TBC1D9: variants seen among roughly 807,000 people sequenced by gnomAD.
TBC1D9 encodes TBC1 domain family member 9, also known as TBC1 domain family member 9A.
TBC1D9 carries 63 observed loss-of-function variants against 132.0 expected under a neutral mutation model. The ratio of observed to expected loss-of-function variants is 0.48; its 90% CI spans 0.39 to 0.59. The LOEUF is 0.59. Ranked by LOEUF, TBC1D9 falls within the 20% of genes least tolerant of loss-of-function variation. TBC1D9 has a pLI of 0.00. For missense variants in TBC1D9, 1,261 were observed against 1,592.7 expected (o/e 0.79, Z 3.54); for synonymous variants, 610 against 609.9 (o/e 1.00, Z 0.00).
intron 1 of TBC1D9, among the ~76,000 whole-genome samples, chr4:140,738,715 T>C (rs1270103152): frequency 6.6e-6 from 1 of 152,196 alleles, no homozygotes; most frequent in East Asian, 1.9e-4. Flanking sequence ...TACAAACAAG[T>C]CTTTCCTTGT....
rs755758044 is a variant in TBC1D9, at chr4:140,622,782, C to A, written c.3214G>T (p.Ala1072Ser). ...EIGEVGKLFV[A>S]QPAKEGGSGG... ...CTCCCGCCCTCCTTTGCAGGCTGGGCCACGAACAACTTGCCGACCTCCCCA... is the reference window on the plus strand; with the variant it reads ...CTCCCGCCCTCCTTTGCAGGCTGGGACACGAACAACTTGCCGACCTCCCCA... The change falls in exon 21 of 21, where the codon GCC becomes TCC. Residue 1072 changes from alanine (A) to serine (S), a missense_variant. Physicochemically the swap from Ala to Ser is moderately conservative, Grantham distance 99. Coordinates refer to ENST00000442267, the MANE Select transcript of TBC1D9 (RefSeq NM_015130.3). The A allele has an allele frequency of 5.6e-6, 9 of 1,603,140 alleles. No homozygotes were observed. Among genetic ancestry groups the A allele is most frequent in the Non-Finnish European group, 6.8e-6 (8 of 1,179,198 alleles).
intron 2 of TBC1D9, among the ~76,000 whole-genome samples, chr4:140,699,207 ATAAT>A (rs1383122407): frequency 6.6e-6 from 1 of 152,212 alleles, no homozygotes; most frequent in African/African-American, 2.4e-5. Context: ...AGTGACATAA[ATAAT>A]TAAATAAATA....
In TBC1D9 at chr4:140,657,571, C is replaced by G. The variant is rs199972056; in HGVS notation, c.2163G>C (p.Leu721=). ...LAVLDANVDK[L]LNCKDDGEAM... is the part of the protein sequence containing the mutation. ...CCTCCCCATCATCCTTGCAGTTCAACAGTTTGTCCACATTTGCATCCAGCA... is the reference window on the plus strand; with the variant it reads ...CCTCCCCATCATCCTTGCAGTTCAAGAGTTTGTCCACATTTGCATCCAGCA... The change falls in exon 12 of 21, where the codon CTG becomes CTC. Residue 721 remains leucine (L), a synonymous_variant. Transcript: ENST00000442267. The G allele has an allele frequency of 3.6e-4, 581 of 1,613,876 alleles. 1 individual carries two copies. The highest frequency in any genetic ancestry group is 4.6e-4 in the Non-Finnish European group (547 of 1,179,892).
At chr4:140,696,691 A>G (rs1326468714) in intron 2 of TBC1D9, among the ~76,000 whole-genome samples, 1 of 152,132 alleles carries the variant, frequency 6.6e-6, no homozygotes, top group African/African-American at 2.4e-5. Context: ...CTACTGCTCT[A>G]TGTGGTCTAT....
chr4:140,675,373 G>C (rs557073188), intron 6 of TBC1D9, among the ~76,000 whole-genome samples: 1 of 152,196 alleles, frequency 6.6e-6, no homozygotes, highest in South Asian at 2.1e-4. Context: ...GTTAGCAAGG[G>C]GACAATCCTG....
At chr4:140,745,009 A>T (rs1738816535) in intron 1 of TBC1D9, among the ~76,000 whole-genome samples, 1 of 152,042 alleles carries the variant, frequency 6.6e-6, no homozygotes, top group Admixed American at 6.5e-5. Flanking sequence ...AGATCTATAG[A>T]TAATAACTCT....
At chr4:140,679,492 A>G (rs1168678865) in intron 4 of TBC1D9, 123 bp downstream of exon 4, 12 of 764,460 alleles carry the variant, frequency 1.6e-5, no homozygotes, top group Non-Finnish European at 6.2e-6. Context: ...GTAGTAAAAA[A>G]AAATTAGTAT....
rs1578830202 is a variant in TBC1D9, at chr4:140,662,429, T to G, written c.1589-322A>C. Among the ~76,000 whole-genome samples the G allele has an allele frequency of 3.3e-5, 5 of 152,078 alleles. No homozygotes were observed. The South Asian group carries it at 1.0e-3, about 32-fold the overall frequency. ...CTGCTTAGGAGCACAGGTGGGGAGG[T>G]CATCATAACAAGCCAGGCTGAGGCT... On this transcript the variant is annotated intron_variant, in intron 9 of 20. Coordinates refer to ENST00000442267, the MANE Select transcript of TBC1D9 (RefSeq NM_015130.3).
chr4:140,734,091 C>T (rs1431441126), intron 1 of TBC1D9, among the ~76,000 whole-genome samples: 4 of 152,110 alleles, frequency 2.6e-5, no homozygotes, highest in Non-Finnish European at 5.9e-5. Flanking sequence ...GCCATTGCCA[C>T]GGATCCTGAT....
chr4:140,676,450 C>T (rs1450553092), intron 6 of TBC1D9, among the ~76,000 whole-genome samples: 1 of 152,096 alleles, frequency 6.6e-6, no homozygotes, highest in Non-Finnish European at 1.5e-5. Context: ...GCCAGGAGTT[C>T]GAGACCAGTC....
Position 140,756,116 on chromosome 4 carries a change from C to A in TBC1D9, c.-71G>T. The A allele has an allele frequency of 1.4e-6, 2 of 1,401,082 alleles. No homozygotes were observed. The highest frequency in any genetic ancestry group is 2.3e-5 in the Admixed American group (1 of 42,586). The allele number at this position is 1,401,082 out of a possible 1,614,324, so 86.8% of individuals were successfully genotyped here. ...GTCCTGCACCCACCACCGCGACAGGCGCGCACTCCTGGGCACACGCGCGCC... is the reference window on the plus strand; with the variant it reads ...GTCCTGCACCCACCACCGCGACAGGAGCGCACTCCTGGGCACACGCGCGCC... On this transcript the variant is annotated 5_prime_UTR_variant, in exon 1 of 21. Coordinates refer to ENST00000442267, the MANE Select transcript of TBC1D9 (RefSeq NM_015130.3). The surrounding 1 kb of genome is among the most constrained non-coding windows in gnomAD (Gnocchi z 5.6).
chr4:140,695,413 C>T (rs1020541213), intron 2 of TBC1D9, among the ~76,000 whole-genome samples: 1 of 152,152 alleles, frequency 6.6e-6, no homozygotes, highest in African/African-American at 2.4e-5. Flanking sequence ...CAATACACAG[C>T]CAAATCAAGG....
intron 15 of TBC1D9, among the ~76,000 whole-genome samples, chr4:140,635,214 C>G (rs973754476): frequency 6.6e-6 from 1 of 152,124 alleles, no homozygotes; most frequent in Non-Finnish European, 1.5e-5. Context: ...TGCAGTGGCT[C>G]ATTCCTATAT....
At chr4:140,709,477 T>C (rs1738205899) in intron 1 of TBC1D9, among the ~76,000 whole-genome samples, 1 of 148,734 alleles carries the variant, frequency 6.7e-6, no homozygotes, top group Non-Finnish European at 1.5e-5. Flanking sequence ...GACACTTTTG[T>C]AAAAATATGA....
intron 1 of TBC1D9, among the ~76,000 whole-genome samples, chr4:140,704,021 A>C (rs1738111865): frequency 6.6e-6 from 1 of 152,234 alleles, no homozygotes; most frequent in Admixed American, 6.5e-5. Context: ...TAAGAAATAA[A>C]ATGCTGAAAC....
At chr4:140,642,178 G>A (rs1578819888) in intron 13 of TBC1D9, 1 of 768,002 alleles carries the variant, frequency 1.3e-6, no homozygotes, top group East Asian at 2.5e-5. Context: ...GAAGGCATCA[G>A]TTTGGAGCTA....
chr4:140,689,410 C>T (rs1392889991), intron 2 of TBC1D9, among the ~76,000 whole-genome samples: 1 of 142,360 alleles, frequency 7.0e-6, no homozygotes, highest in African/African-American at 2.8e-5. Context: ...GCTTCCCTTC[C>T]CTTCCCCCTT....
Position 140,668,924 on chromosome 4 carries a change from C to T in TBC1D9, c.1581G>A (p.Leu527=). ...PESMRGELWL[L]LSGAINEKAT... ...CCAGCCCAGCGGCCGTACCTGACAG[C>T]AGCAGCCAGAGCTCCCCACGCATGC... Residue 527 remains leucine, a synonymous_variant, in exon 9 of 21, where the codon CTG becomes CTA. Transcript: ENST00000442267. 2.5e-6 allele frequency: 4 copies of T among 1,613,772 alleles called. No individual in the cohort carries two copies. Among genetic ancestry groups the T allele is most frequent in the Non-Finnish European group, 3.4e-6 (4 of 1,179,824 alleles).
At chr4:140,644,716 GA>G (rs1314036782) in intron 13 of TBC1D9, 6 of 410,636 alleles carry the variant, frequency 1.5e-5, no homozygotes, top group African/African-American at 2.1e-5. Flanking sequence ...GTGCTGCAGC[GA>G]AAAGAGCTGC....
Sources: allele counts gnomAD v4.1 joint callset (sites outside exome capture counted in the v4.1 genomes callset), GRCh38; gene constraint gnomAD v4.1.1; non-coding constraint Gnocchi (gnomAD v3.1); transcripts MANE v1.5; gene names NCBI Gene and HGNC (gene_info 2026-07-23, HGNC 2026-07-21).